Variants in ARHGEF6 observed in about 807,000 individuals in gnomAD.
ARHGEF6 encodes the protein rho guanine nucleotide exchange factor 6.
A neutral mutation model predicts 70.3 loss-of-function variants in ARHGEF6; 9 were observed. The ratio of observed to expected loss-of-function variants is 0.13; its 90% CI spans 0.08 to 0.22. The LOEUF (loss-of-function observed/expected upper bound fraction) is 0.22. Ranked by LOEUF, ARHGEF6 falls within the 10% of genes least tolerant of loss-of-function variation. ARHGEF6 has a pLI of 1.00. For synonymous variants in ARHGEF6, 201 were observed against 207.8 expected (o/e 0.97, Z 0.28); for missense variants, 470 against 563.0 (o/e 0.83, Z 1.67).
At chrX:136,698,945 A>C (rs2076538241) in intron 9 of ARHGEF6, among the ~76,000 whole-genome samples, 1 of 112,123 alleles carries the variant, frequency 8.9e-6, no homozygotes, top group South Asian at 3.7e-4. Flanking sequence ...GGACCTATAC[A>C]CACATAAATT....
intron 3 of ARHGEF6, 140 bp from the exon 4 acceptor site, chrX:136,745,487 G>A (rs1182024537): frequency 1.9e-5 from 15 of 809,122 alleles, no homozygotes; most frequent in Middle Eastern, 3.7e-4. Context: ...CATGCCAAGT[G>A]TATTTCAATC....
chrX:136,713,248 A>G, intron 7 of ARHGEF6, 28 bp downstream of exon 7: 4 of 1,028,699 alleles, frequency 3.9e-6, no homozygotes, highest in Non-Finnish European at 5.5e-6. Context: ...TGCTTTACTT[A>G]GTGAGGGATT....
chrX:136,673,830 CTCTT>C (rs1427997502), intron 19 of ARHGEF6, among the ~76,000 whole-genome samples: 2 of 110,869 alleles, frequency 1.8e-5, no homozygotes, highest in African/African-American at 6.6e-5. Flanking sequence ...CTTTCTCTCT[CTCTT>C]TCTCTCTCTC....
At chrX:136,699,094 A>G (rs993012759) in intron 9 of ARHGEF6, among the ~76,000 whole-genome samples, 2 of 112,199 alleles carry the variant, frequency 1.8e-5, no homozygotes, top group African/African-American at 3.2e-5. Context: ...GAAAGTTAAT[A>G]TAACAAACAC....
At chrX:136,683,817 C>T (rs1309952861) in intron 12 of ARHGEF6, among the ~76,000 whole-genome samples, 1 of 111,555 alleles carries the variant, frequency 9.0e-6, no homozygotes, top group African/African-American at 3.3e-5. Flanking sequence ...ACTATTCTAA[C>T]AAGTGCTCCA....
intron 14 of ARHGEF6, 34 bp downstream of exon 14, chrX:136,681,856 G>T (rs975283187): frequency 9.2e-7 from 1 of 1,090,341 alleles, no homozygotes. Context: ...AAAAGAATTG[G>T]AAGTAGTTAC....
intron 5 of ARHGEF6, among the ~76,000 whole-genome samples, chrX:136,735,354 G>A (rs892920593): frequency 9.1e-6 from 1 of 110,123 alleles, no homozygotes; most frequent in Non-Finnish European, 1.9e-5. Context: ...TCCCCACCCC[G>A]ACCCCTACCA....
At chrX:136,729,064 C>T (rs1345486467) in intron 6 of ARHGEF6, among the ~76,000 whole-genome samples, 2 of 95,427 alleles carry the variant, frequency 2.1e-5, no homozygotes, top group Non-Finnish European at 4.2e-5. Flanking sequence ...CCTCCCCCAC[C>T]GCCCCCCACC....
chrX:136,772,051 T>C (rs2077367173), intron 2 of ARHGEF6, among the ~76,000 whole-genome samples: 1 of 112,446 alleles, frequency 8.9e-6, no homozygotes, highest in Non-Finnish European at 1.9e-5. Flanking sequence ...ATGTGGTATG[T>C]ATACACAATG....
intron 8 of ARHGEF6, 141 bp from the exon 9 acceptor site, chrX:136,707,171 T>C: frequency 1.3e-6 from 1 of 741,202 alleles, no homozygotes; most frequent in South Asian, 2.6e-5. Flanking sequence ...ATAACCATTT[T>C]ACCCATGAAA....
chrX:136,769,130 G>A (rs1437229280), intron 2 of ARHGEF6, among the ~76,000 whole-genome samples: 1 of 111,748 alleles, frequency 8.9e-6, no homozygotes, highest in Non-Finnish European at 1.9e-5. Context: ...ATAAACTTGG[G>A]GCTGGGTGCG....
Position 136,719,302 on chromosome X carries a change from A to T in ARHGEF6, c.733-5932T>A, listed in dbSNP as rs763842496. On this transcript the variant is annotated intron_variant, in intron 6 of 21. Transcript: ENST00000250617. ...CATAAAACCCACCTTAGCAAATTTA[A>T]AAGAATAGAAATCATGCAATCTATG... is the stretch of plus-strand genomic sequence containing the variant. 7.2e-5 allele frequency among the ~76,000 whole-genome samples: 8 copies of T among 111,654 alleles called. No individual in the cohort carries two copies. The South Asian group carries it at 2.9e-3, about 41-fold the overall frequency.
intron 12 of ARHGEF6, among the ~76,000 whole-genome samples, chrX:136,683,050 T>G (rs1446157428): frequency 8.9e-6 from 1 of 111,974 alleles, no homozygotes; most frequent in Non-Finnish European, 1.9e-5. Context: ...ACAGTTTATC[T>G]CTCTTCTTCT....
At position 136,681,869 on chromosome X, in the gene ARHGEF6, GA is replaced by G; in HGVS notation, c.1558+20del. On this transcript the variant is annotated intron_variant, in intron 14 of 21. Transcript: ENST00000250617. ...CAAAAAGAATTGGAAGTAGTTACATGAAAAAGAGAAAATTACCTACCAGTGA... is the reference window on the plus strand; with the variant it reads ...CAAAAAGAATTGGAAGTAGTTACATGAAAAGAGAAAATTACCTACCAGTGA... The G allele has an allele frequency of 8.6e-7, 1 of 1,162,289 alleles. No individual in the cohort carries two copies. Among genetic ancestry groups the G allele is most frequent in the Non-Finnish European group, 1.2e-6 (1 of 851,024 alleles).
intron 2 of ARHGEF6, among the ~76,000 whole-genome samples, chrX:136,763,343 AG>A (rs1281830667): frequency 8.9e-6 from 1 of 112,481 alleles, no homozygotes; most frequent in Non-Finnish European, 1.9e-5. Context: ...AAAAGCAATT[AG>A]GCTTTGAGCA....
intron 12 of ARHGEF6, 73 bp downstream of exon 12, chrX:136,685,604 C>CAAAAAAAAAAAAAAAAAAAGAA: frequency 1.1e-6 from 1 of 935,125 alleles, no homozygotes; most frequent in Non-Finnish European, 1.4e-6. Context: ...AAGACTCCGT[C>CAAAAAAAAAAAAAAAAAAAGAA]AAAAAAAAAA....
At chrX:136,730,012 T>G (rs1388111129) in intron 6 of ARHGEF6, among the ~76,000 whole-genome samples, 1 of 110,820 alleles carries the variant, frequency 9.0e-6, no homozygotes, top group Non-Finnish European at 1.9e-5. Context: ...TAGTGATTAT[T>G]TCTAAGTGGT....
chrX:136,677,823 G>T, intron 17 of ARHGEF6, 113 bp downstream of exon 17: 1 of 602,275 alleles, frequency 1.7e-6, no homozygotes, highest in Non-Finnish European at 2.6e-6. Context: ...TCATATTTTA[G>T]CCACCAATTA....
chrX:136,679,176 T>C (rs1445375660), intron 16 of ARHGEF6, among the ~76,000 whole-genome samples: 1 of 112,306 alleles, frequency 8.9e-6, no homozygotes, highest in Admixed American at 9.4e-5. Flanking sequence ...CTGAATTAAG[T>C]CTGCTTCATT....
Sources: allele counts gnomAD v4.1 joint callset (sites outside exome capture counted in the v4.1 genomes callset), GRCh38; gene constraint gnomAD v4.1.1; transcripts MANE v1.5; gene names NCBI Gene and HGNC (gene_info 2026-07-23, HGNC 2026-07-21).